DGCR8: variants seen among roughly 807,000 people sequenced by gnomAD.
DGCR8 encodes the protein DGCR8 microprocessor complex subunit.
In DGCR8, 14 loss-of-function variants were observed where a neutral mutation model predicts 78.5. The observed-to-expected ratio is 0.18, with a 90% CI of 0.12 to 0.28. The LOEUF is 0.28. DGCR8 is among the 10% of genes least tolerant of loss of function. The probability of loss-of-function intolerance (pLI) is 1.00; values close to 1 mark genes in which losing one functional copy is unlikely to be tolerated. For synonymous variants in DGCR8, 399 were observed against 402.4 expected, an observed-to-expected ratio of 0.99 and a Z score of 0.10; for missense variants, 702 against 1,022.5, an observed-to-expected ratio of 0.69 and a Z score of 4.28.
At chr22:20,107,201 A>C in intron 11 of DGCR8, 70 bp from the exon 12 acceptor site, 7 of 1,592,394 alleles carry the variant, frequency 4.4e-6, no homozygotes, top group Non-Finnish European at 6.0e-6. Context: ...GAGGGCTGGG[A>C]GCGGCAGGGG....
Position 20,107,522 on chromosome 22 carries a change from C to G in DGCR8, c.2124+124C>G. On this transcript the variant is annotated intron_variant, in intron 12 of 13. Coordinates refer to ENST00000351989, the MANE Select transcript of DGCR8 (RefSeq NM_022720.7). ...GCTGTTGCTCACAGCTGCCTCTCTC[C>G]TGGGCCACTTGTGTGGCTTTGTGGG... is the stretch of plus-strand genomic sequence containing the variant. 4.0e-6 allele frequency: 5 copies of G among 1,241,060 alleles called. No individual in the cohort carries two copies. The East Asian group carries it at 1.2e-4, about 29-fold the overall frequency. The allele number at this position is 1,241,060 out of a possible 1,614,324, so 76.9% of individuals were successfully genotyped here.
At chr22:20,080,712 G>A (rs541538752) in intron 1 of DGCR8, 54 of 157,514 alleles carry the variant, frequency 3.4e-4, no homozygotes, top group Non-Finnish European at 6.7e-4. Context: ...TGCTCGCCTG[G>A]GACCCTGCCG....
Position 20,089,825 on chromosome 22 carries a change from C to T in DGCR8, c.1023+14C>T, listed in dbSNP as rs1370736762. On this transcript the variant is annotated intron_variant, in intron 4 of 13. Transcript: ENST00000351989. The surrounding 1 kb of genome is among the most constrained non-coding windows in gnomAD (Gnocchi z 4.9). ...GGAAGCATACGGGTAGGGGAGGCAT[C>T]AGTCGTGACTTTAGGCTTGTAAGTT... 6.2e-7 allele frequency: 1 copy of T among 1,613,680 alleles called. No individual in the cohort carries two copies. Among genetic ancestry groups the T allele is most frequent in the Admixed American group, 1.7e-5 (1 of 59,938 alleles).
chr22:20,100,380 T>A (rs1441815555), intron 9 of DGCR8: 1 of 985,246 alleles, frequency 1.0e-6, no homozygotes, highest in Non-Finnish European at 1.2e-6. Context: ...TGATTTTATT[T>A]CTGAGTGACC....
chr22:20,091,656 T>G (rs2049562802), intron 6 of DGCR8, 24 bp downstream of exon 6: 1 of 1,609,908 alleles, frequency 6.2e-7, no homozygotes, highest in Non-Finnish European at 8.5e-7. Context: ...CATTTTAACA[T>G]CAGCAGACTG....
intron 5 of DGCR8, 151 bp from the exon 6 acceptor site, chr22:20,091,284 G>C (rs2049556209): frequency 2.9e-6 from 2 of 683,608 alleles, no homozygotes; most frequent in African/African-American, 3.6e-5. Flanking sequence ...GGTGTAGGGA[G>C]GCCTTCATTC....
chr22:20,081,138 C>G (rs1456517927), intron 1 of DGCR8, among the ~76,000 whole-genome samples: 1 of 152,186 alleles, frequency 6.6e-6, no homozygotes, highest in African/African-American at 2.4e-5. Context: ...AGTGTTGCCT[C>G]TAAGTGCGGG....
At chr22:20,109,965 C>G in intron 13 of DGCR8, 60 bp from the exon 14 acceptor site, 1 of 1,543,268 alleles carries the variant, frequency 6.5e-7, no homozygotes, top group Non-Finnish European at 8.9e-7. Flanking sequence ...CACCTTGTGT[C>G]TTCCCGAGCC....
rs1054184921 is a variant in DGCR8 at position 20,085,870 on chromosome 22, C to G, written c.-94C>G. 2 of 1,499,646 alleles carry G rather than the reference C, an allele frequency of 1.3e-6. No individual in the cohort carries two copies. Among genetic ancestry groups the G allele is most frequent in the Non-Finnish European group, 1.8e-6 (2 of 1,132,104 alleles). 92.9% of individuals were successfully genotyped at this position (1,499,646 alleles called of 1,614,324 possible). A position where few individuals can be genotyped will look rare whatever the true frequency, so the allele number is the denominator to read the frequency against. ...AGCGCACAGCGCGGCAGGACGCGCC[C>G]GGGTCTCAGCGGACTTGTGCATGTT... On this transcript the variant is annotated 5_prime_UTR_variant, in exon 2 of 14. Coordinates refer to ENST00000351989, the MANE Select transcript of DGCR8 (RefSeq NM_022720.7). The surrounding 1 kb of genome is among the most constrained non-coding windows in gnomAD (Gnocchi z 6.2).
intron 5 of DGCR8, among the ~76,000 whole-genome samples, chr22:20,091,084 G>A (rs560630991): frequency 2.0e-5 from 3 of 152,338 alleles, no homozygotes; most frequent in African/African-American, 7.2e-5. Context: ...GAGAGGTGGC[G>A]GGCGCATGGA....
chr22:20,104,157 CTTTTT>C, intron 9 of DGCR8, among the ~76,000 whole-genome samples: 1 of 136,020 alleles, frequency 7.4e-6, no homozygotes. Flanking sequence ...TGGTGTCGGT[CTTTTT>C]TTTTTTTTTT....
Position 20,106,297 on chromosome 22 carries a change from C to T in DGCR8, c.1889+20C>T. 6.3e-7 allele frequency: 1 copy of T among 1,591,686 alleles called. No individual in the cohort carries two copies. Among genetic ancestry groups the T allele is most frequent in the East Asian group, 2.2e-5 (1 of 44,788 alleles). On this transcript the variant is annotated intron_variant, in intron 10 of 13. Transcript: ENST00000351989. ...TAAAAGGTAGGGTAGGGGGGTGCCT[C>T]CCCCCATGAGTCAGGTCGGGGGAGC...
At position 20,080,309 on chromosome 22, in the gene DGCR8, G is replaced by A. The variant is rs902523470; in HGVS notation, c.-352G>A. 1.9e-4 allele frequency: 182 copies of A among 980,992 alleles called. No individual in the cohort carries two copies. The highest frequency in any genetic ancestry group is 2.2e-4 in the Non-Finnish European group (179 of 828,232). The allele number at this position is 980,992 out of a possible 1,614,324, so 60.8% of individuals were successfully genotyped here. On this transcript the variant is annotated 5_prime_UTR_variant, in exon 1 of 14. Coordinates refer to ENST00000351989, the MANE Select transcript of DGCR8 (RefSeq NM_022720.7). ...GCCTGGACAGGCTTTCCAGATGGCT[G>A]CGGCGGTCGGTCGGTGAGGCTTTCC... is the stretch of plus-strand genomic sequence containing the variant.
chr22:20,106,551 C>T (rs775633772), intron 10 of DGCR8, 41 bp from the exon 11 acceptor site: 6 of 1,477,570 alleles, frequency 4.1e-6, no homozygotes, highest in Non-Finnish European at 5.7e-6. Context: ...GCTGGCTGCT[C>T]TGCTCAGGGG....
intron 9 of DGCR8, among the ~76,000 whole-genome samples, chr22:20,105,231 A>G (rs961895331): frequency 2.0e-5 from 3 of 152,226 alleles, no homozygotes; most frequent in African/African-American, 7.2e-5. Context: ...AATCGGAGCA[A>G]TGCTGCCATA....
In DGCR8 at chr22:20,111,269, G is replaced by A. The variant is rs1267788555; in HGVS notation, c.*1161G>A. On this transcript the variant is annotated 3_prime_UTR_variant, in exon 14 of 14. Coordinates refer to ENST00000351989, the MANE Select transcript of DGCR8 (RefSeq NM_022720.7). Reference sequence around the variant, plus strand: ...GGTGGTGGACTGGCACCTGTGCAGAGTGCCGTGTGCTTGTGGTGCGCCATC... The same window carrying A: ...GGTGGTGGACTGGCACCTGTGCAGAATGCCGTGTGCTTGTGGTGCGCCATC... 2 of 398,744 alleles carry A rather than the reference G, an allele frequency of 5.0e-6. No individual in the cohort carries two copies. Among genetic ancestry groups the A allele is most frequent in the Non-Finnish European group, 8.8e-6 (2 of 226,116 alleles). 24.7% of individuals were successfully genotyped at this position (398,744 alleles called of 1,614,324 possible).
chr22:20,110,830 C>A lies in DGCR8; in HGVS notation c.*722C>A, dbSNP rs539292200. ...CTAGGGTCCCTTTTTCTGATGAAGT[C>A]TTAATTCCCTAAAAGCGCCTCTTTG... On this transcript the variant is annotated 3_prime_UTR_variant, in exon 14 of 14. Coordinates refer to ENST00000351989, the MANE Select transcript of DGCR8 (RefSeq NM_022720.7). 3.3e-4 allele frequency: 65 copies of A among 196,454 alleles called. 1 individual carries two copies. The highest frequency in any genetic ancestry group is 1.5e-3 in the African/African-American group (65 of 43,282). 12.2% of individuals were successfully genotyped at this position (196,454 alleles called of 1,614,324 possible). A position where few individuals can be genotyped will look rare whatever the true frequency, so the allele number is the denominator to read the frequency against.
intron 1 of DGCR8, among the ~76,000 whole-genome samples, chr22:20,083,421 C>A (rs536967690): frequency 6.6e-6 from 1 of 151,346 alleles, no homozygotes; most frequent in Non-Finnish European, 1.5e-5. Flanking sequence ...AAGGAACTTG[C>A]CCAGGACTGC....
chr22:20,101,082 C>A, intron 9 of DGCR8: 2 of 580,874 alleles, frequency 3.4e-6, no homozygotes, highest in Non-Finnish European at 4.3e-6. Flanking sequence ...CCCTGGCCAC[C>A]TCCTCAGCAT....
Sources: gnomAD v4.1 joint callset for allele counts (sites outside exome capture counted in the v4.1 genomes callset) on GRCh38, gnomAD v4.1.1 for gene constraint, Gnocchi (gnomAD v3.1) non-coding constraint, MANE v1.5 for transcripts, NCBI Gene and HGNC (gene_info 2026-07-23, HGNC 2026-07-21) for gene names.